Variants in HDAC9 observed in about 807,000 individuals in gnomAD.
The protein encoded by HDAC9 is histone deacetylase 9.
Under a neutral mutation model 139.4 loss-of-function variants are expected in HDAC9, and 41 were observed. The observed-to-expected ratio is 0.29, with a 90% CI of 0.23 to 0.38. HDAC9 has a LOEUF of 0.38. HDAC9 is among the 10% of genes least tolerant of loss of function. The pLI is 1.00. For synonymous variants in HDAC9, 517 were observed against 476.2 expected, an observed-to-expected ratio of 1.09 and a Z score of -1.12; for missense variants, 1,147 against 1,297.0, an observed-to-expected ratio of 0.88 and a Z score of 1.78.
chr7:18,090,404 A>G (rs373119981), intron 1 of HDAC9, among the ~76,000 whole-genome samples: 1 of 152,234 alleles, frequency 6.6e-6, no homozygotes, highest in Admixed American at 6.5e-5. Flanking sequence ...GGAGAGAACC[A>G]TGACTCTAAT....
At chr7:18,146,510 G>T (rs2128114983) in intron 1 of HDAC9, among the ~76,000 whole-genome samples, 1 of 152,204 alleles carries the variant, frequency 6.6e-6, no homozygotes, top group South Asian at 2.1e-4. Context: ...TAGGTATTAA[G>T]TTATGTACCA....
intron 2 of HDAC9, among the ~76,000 whole-genome samples, chr7:18,250,884 C>G (rs1397987053): frequency 6.6e-6 from 1 of 151,850 alleles, no homozygotes; most frequent in Admixed American, 6.6e-5. Context: ...TGATGTTCAG[C>G]TTTTTTTTCA....
intron 21 of HDAC9, among the ~76,000 whole-genome samples, chr7:18,859,166 T>C (rs979813448): frequency 1.3e-5 from 2 of 152,166 alleles, no homozygotes; most frequent in Admixed American, 6.6e-5. Flanking sequence ...TTCAAGTATA[T>C]TGTGATCATT....
At chr7:18,601,822 GCTTGTGTTATACAACA>G (rs921846429) in intron 6 of HDAC9, among the ~76,000 whole-genome samples, 15 of 152,094 alleles carry the variant, frequency 9.9e-5, no homozygotes, top group Admixed American at 6.5e-4. Context: ...AATCCTACTT[GCTTGTGTTATACAACA>G]CTTTTTGTAC....
At chr7:18,409,411 G>A (rs914311670) in intron 1 of HDAC9, among the ~76,000 whole-genome samples, 4 of 151,002 alleles carry the variant, frequency 2.6e-5, no homozygotes, top group African/African-American at 2.5e-5. Flanking sequence ...ATTAACGATG[G>A]GCCTTTTTTT....
intron 2 of HDAC9, among the ~76,000 whole-genome samples, chr7:18,240,663 A>G (rs1392512169): frequency 6.6e-6 from 1 of 152,096 alleles, no homozygotes; most frequent in Non-Finnish European, 1.5e-5. Context: ...TCTGCTCACA[A>G]CCATCCAGTG....
At chr7:18,503,406 T>A (rs1200691844) in intron 2 of HDAC9, among the ~76,000 whole-genome samples, 2 of 152,208 alleles carry the variant, frequency 1.3e-5, no homozygotes, top group Non-Finnish European at 2.9e-5. Flanking sequence ...AACAACATTT[T>A]TCACAATACT....
intron 17 of HDAC9, among the ~76,000 whole-genome samples, chr7:18,824,826 T>C (rs1795289295): frequency 6.6e-6 from 1 of 152,200 alleles, no homozygotes; most frequent in African/African-American, 2.4e-5. Flanking sequence ...GAATAATTAC[T>C]GGAGGAGTAA....
rs868455743 is a variant in HDAC9 at position 18,745,590 on chromosome 7, A to T, written c.1910-3415A>T. On this transcript the variant is annotated intron_variant, in intron 13 of 25. Transcript: ENST00000686413. ...AGTCTCGGTCTGTCGCCCAGGCCGG[A>T]CTGCGGACTGCAGTGGCGCAATCTC... Among the ~76,000 whole-genome samples, 27 of 122,502 alleles carry T rather than the reference A, an allele frequency of 2.2e-4. No individual in the cohort carries two copies. In the Middle Eastern group the frequency reaches 0.022, roughly 100 times the overall value. 80.4% of individuals were successfully genotyped at this position (122,502 alleles called of 152,430 possible).
intron 1 of HDAC9, among the ~76,000 whole-genome samples, chr7:18,418,723 G>A (rs370024750): frequency 1.8e-4 from 27 of 151,942 alleles, no homozygotes; most frequent in East Asian, 1.2e-3. Flanking sequence ...CTGATGAATC[G>A]TAAGAATTTT....
intron 22 of HDAC9, among the ~76,000 whole-genome samples, chr7:18,913,010 T>A (rs1802872452): frequency 1.3e-5 from 2 of 152,144 alleles, no homozygotes; most frequent in African/African-American, 4.8e-5. Flanking sequence ...GTGAAAACGT[T>A]GCTATTTAGT....
chr7:18,935,570 T>C (rs1390696193), intron 22 of HDAC9, among the ~76,000 whole-genome samples: 1 of 152,180 alleles, frequency 6.6e-6, no homozygotes, highest in East Asian at 1.9e-4. Context: ...AAGAGCTAGA[T>C]TGGTGCCAGT....
chr7:18,374,183 G>A (rs983640687), intron 1 of HDAC9, among the ~76,000 whole-genome samples: 18 of 147,220 alleles, frequency 1.2e-4, no homozygotes, highest in Admixed American at 1.3e-4. Context: ...CATAAATCTA[G>A]TGTGTATGTA....
intron 6 of HDAC9, among the ~76,000 whole-genome samples, chr7:18,623,677 C>G (rs1460845689): frequency 6.6e-6 from 1 of 152,180 alleles, no homozygotes; most frequent in Non-Finnish European, 1.5e-5. Context: ...GGTGCAGTGG[C>G]TCACGCTTGT....
intron 2 of HDAC9, among the ~76,000 whole-genome samples, chr7:18,581,627 T>C (rs911553416): frequency 6.6e-6 from 1 of 152,234 alleles, no homozygotes; most frequent in Non-Finnish European, 1.5e-5. Context: ...CCTTTGTTTT[T>C]TGAGATTTCC....
intron 2 of HDAC9, among the ~76,000 whole-genome samples, chr7:18,532,860 C>T (rs1023915276): frequency 6.6e-6 from 1 of 151,630 alleles, no homozygotes; most frequent in Non-Finnish European, 1.5e-5. Context: ...ATAACATATC[C>T]GTTTAGAAAA....
intron 1 of HDAC9, among the ~76,000 whole-genome samples, chr7:18,384,836 A>T (rs1197789605): frequency 6.6e-6 from 1 of 151,854 alleles, no homozygotes; most frequent in Admixed American, 6.6e-5. Context: ...GGTTTATTTT[A>T]TTCTACTTTC....
At chr7:18,158,707 T>C (rs947140961) in intron 1 of HDAC9, among the ~76,000 whole-genome samples, 9 of 152,210 alleles carry the variant, frequency 5.9e-5, no homozygotes, top group African/African-American at 2.2e-4. Flanking sequence ...CATATAAAGC[T>C]CTGCTGACTT....
chr7:18,403,329 G>A (rs149388666), intron 1 of HDAC9, among the ~76,000 whole-genome samples: 7 of 152,152 alleles, frequency 4.6e-5, no homozygotes, highest in African/African-American at 1.4e-4. Context: ...TGGCATACTA[G>A]GTCTTATGAT....
Sources: gnomAD v4.1 joint callset for allele counts (sites outside exome capture counted in the v4.1 genomes callset) on GRCh38, gnomAD v4.1.1 for gene constraint, MANE v1.5 for transcripts, NCBI Gene and HGNC (gene_info 2026-07-23, HGNC 2026-07-21) for gene names.